The following TPST1 variants were observed in gnomAD, a reference collection of about 807,000 sequenced individuals.
The protein encoded by TPST1 is protein-tyrosine sulfotransferase 1.
A neutral mutation model predicts 34.8 loss-of-function variants in TPST1; 20 were observed. That is an observed-to-expected ratio of 0.57 (90% CI 0.40 to 0.84). The LOEUF (loss-of-function observed/expected upper bound fraction) is 0.84. Among genes scored for constraint, TPST1 ranks in the 40% least tolerant of loss-of-function variants. The pLI is 0.00. For synonymous variants in TPST1, 152 were observed against 159.4 expected, an observed-to-expected ratio of 0.95 and a Z score of 0.35; for missense variants, 353 against 455.5, an observed-to-expected ratio of 0.78 and a Z score of 2.05.
intron 3 of TPST1, among the ~76,000 whole-genome samples, chr7:66,325,567 C>G (rs571105055): frequency 6.6e-6 from 1 of 151,598 alleles, no homozygotes; most frequent in African/African-American, 2.4e-5. Flanking sequence ...GATTCTCCCA[C>G]CTCACCCTCC....
chr7:66,286,570 G>T lies in TPST1; in HGVS notation c.905G>T (p.Trp302Leu). Residue 302 changes from tryptophan (W) to leucine (L), a missense_variant, in exon 3 of 6, where the codon TGG becomes TTG. Transcript: ENST00000304842. The stretch of plus-strand genomic sequence containing the variant: ...GTCAATGTAGGAGCTCTATCAAAAT[G>T]GGTTGGGAAGATACCGCCAGATGTT... The part of the protein sequence containing the change: ...KPVNVGALSK[W>L]VGKIPPDVLQ... 1 of 1,610,034 alleles carries T rather than the reference G, an allele frequency of 6.2e-7. No homozygotes were observed. The highest frequency in any genetic ancestry group is 1.1e-5 in the South Asian group (1 of 90,712).
At chr7:66,295,890 C>T (rs1584215543) in intron 3 of TPST1, among the ~76,000 whole-genome samples, 1 of 152,142 alleles carries the variant, frequency 6.6e-6, no homozygotes, top group Non-Finnish European at 1.5e-5. Context: ...ATCTACCTGC[C>T]TTGGCCTCCC....
At chr7:66,237,035 T>G (rs1211421906) in intron 1 of TPST1, among the ~76,000 whole-genome samples, 1 of 152,200 alleles carries the variant, frequency 6.6e-6, no homozygotes, top group African/African-American at 2.4e-5. Context: ...AGTCCTTTCA[T>G]GTCTCCTCTG....
At chr7:66,307,193 C>T (rs955939590) in intron 3 of TPST1, among the ~76,000 whole-genome samples, 1 of 151,694 alleles carries the variant, frequency 6.6e-6, no homozygotes, top group African/African-American at 2.4e-5. Flanking sequence ...TCTCGGCTCA[C>T]TGCAAGGTCC....
At chr7:66,347,322 C>G (rs542661020) in intron 3 of TPST1, among the ~76,000 whole-genome samples, 35 of 152,218 alleles carry the variant, frequency 2.3e-4, no homozygotes, top group African/African-American at 7.9e-4. Flanking sequence ...CTGGCCTTGA[C>G]TTACTAAAGT....
chr7:66,211,322 C>G (rs937908974), intron 1 of TPST1, among the ~76,000 whole-genome samples: 1 of 151,920 alleles, frequency 6.6e-6, no homozygotes, highest in Non-Finnish European at 1.5e-5. Context: ...TTAGTAGAGA[C>G]GGGGTTTCTC....
intron 3 of TPST1, among the ~76,000 whole-genome samples, chr7:66,322,844 C>G (rs1335991012): frequency 6.6e-6 from 1 of 150,992 alleles, no homozygotes; most frequent in Non-Finnish European, 1.5e-5. Flanking sequence ...TACATCCCTT[C>G]CAGTAGTGCA....
intron 1 of TPST1, among the ~76,000 whole-genome samples, chr7:66,235,094 TTTTC>T (rs1291247697): frequency 6.6e-6 from 1 of 152,144 alleles, no homozygotes; most frequent in African/African-American, 2.4e-5. Flanking sequence ...CATTGTTTCC[TTTTC>T]TTTCTACCTG....
intron 1 of TPST1, among the ~76,000 whole-genome samples, chr7:66,229,136 A>G (rs6974614): frequency 0.64 from 96,767 of 150,504 alleles, 31,533 homozygotes; most frequent in African/African-American, 0.74. Context: ...TTTCTGAGAC[A>G]GTCTCGCTCT....
intron 3 of TPST1, among the ~76,000 whole-genome samples, chr7:66,341,135 C>G (rs1418595285): frequency 6.6e-6 from 1 of 152,110 alleles, no homozygotes; most frequent in Non-Finnish European, 1.5e-5. Context: ...ACCTTGAATA[C>G]CTAAAGCTAT....
At chr7:66,311,723 G>A (rs968936585) in intron 3 of TPST1, among the ~76,000 whole-genome samples, 3 of 152,178 alleles carry the variant, frequency 2.0e-5, no homozygotes, top group Non-Finnish European at 4.4e-5. Flanking sequence ...AGAAGAAAAT[G>A]AAATAATAAT....
chr7:66,228,372 A>G (rs1352437369), intron 1 of TPST1, among the ~76,000 whole-genome samples: 4 of 152,214 alleles, frequency 2.6e-5, no homozygotes. Context: ...AAGTTGAATC[A>G]TTTATTACCT....
intron 2 of TPST1, among the ~76,000 whole-genome samples, chr7:66,241,960 AT>A (rs925047721): frequency 2.6e-5 from 4 of 152,082 alleles, no homozygotes; most frequent in Non-Finnish European, 4.4e-5. Context: ...AACCTCTCTT[AT>A]TTTTTACAAA....
intron 2 of TPST1, among the ~76,000 whole-genome samples, chr7:66,243,674 C>G (rs1019863475): frequency 6.7e-6 from 1 of 149,236 alleles, no homozygotes; most frequent in Non-Finnish European, 1.5e-5. Flanking sequence ...TCTCAAACTC[C>G]TGAGTTCAGG....
At chr7:66,270,474 A>C (rs1207522900) in intron 2 of TPST1, among the ~76,000 whole-genome samples, 3 of 152,128 alleles carry the variant, frequency 2.0e-5, no homozygotes, top group Non-Finnish European at 4.4e-5. Context: ...TTTAGAAATC[A>C]CTTACTCTGC....
At chr7:66,283,147 G>C (rs1790966077) in intron 2 of TPST1, among the ~76,000 whole-genome samples, 1 of 152,248 alleles carries the variant, frequency 6.6e-6, no homozygotes, top group African/African-American at 2.4e-5. Flanking sequence ...GTAATCCCCA[G>C]CTACTCAGGA....
intron 3 of TPST1, among the ~76,000 whole-genome samples, chr7:66,340,358 T>C (rs968419956): frequency 2.0e-5 from 3 of 152,260 alleles, no homozygotes; most frequent in Admixed American, 6.5e-5. Context: ...TCTAACCACT[T>C]CTGTTCAACT....
chr7:66,258,141 T>G (rs1277531038), intron 2 of TPST1, among the ~76,000 whole-genome samples: 1 of 152,066 alleles, frequency 6.6e-6, no homozygotes, highest in East Asian at 1.9e-4. Flanking sequence ...CTATGTCTGT[T>G]TTTTTTTAAT....
rs749148427 is a variant in TPST1 at position 66,241,133 on chromosome 7, G to A, written c.708G>A (p.Leu236=). ...AGGTTGGTTATAAAAAGTGCATGTT[G>A]GTTCACTATGAACAACTTGTCTTAC... The part of the protein sequence containing the change: ...CMEVGYKKCM[L]VHYEQLVLHP... Residue 236 remains leucine, a synonymous_variant, in exon 2 of 6, where the codon TTG becomes TTA. Coordinates refer to ENST00000304842, the MANE Select transcript of TPST1 (RefSeq NM_003596.4). 2 of 1,614,110 alleles carry A rather than the reference G, an allele frequency of 1.2e-6. No individual in the cohort carries two copies. The highest frequency in any genetic ancestry group is 2.2e-5 in the South Asian group (2 of 91,078).
Sources: gnomAD v4.1 joint callset for allele counts (sites outside exome capture counted in the v4.1 genomes callset) on GRCh38, gnomAD v4.1.1 for gene constraint, MANE v1.5 for transcripts, NCBI Gene and HGNC (gene_info 2026-07-23, HGNC 2026-07-21) for gene names.